Variants in EEFSEC observed in about 807,000 individuals in gnomAD.
EEFSEC encodes the protein eukaryotic elongation factor, selenocysteine-tRNA specific.
A neutral mutation model predicts 42.1 loss-of-function variants in EEFSEC; 43 were observed. The ratio of observed to expected loss-of-function variants is 1.02; its 90% CI spans 0.80 to 1.32. The LOEUF is 1.32. Among genes scored for constraint, EEFSEC ranks in the 40% most tolerant of loss-of-function variants. The probability of loss-of-function intolerance (pLI) is 0.00; values close to 1 mark genes in which losing one functional copy is unlikely to be tolerated. For synonymous variants in EEFSEC, 354 were observed against 339.1 expected (o/e 1.04, Z -0.48); for missense variants, 745 against 803.6 (o/e 0.93, Z 0.88).
At chr3:128,232,240 T>C (rs1243103644) in intron 1 of EEFSEC, among the ~76,000 whole-genome samples, 1 of 152,070 alleles carries the variant, frequency 6.6e-6, no homozygotes, top group Admixed American at 6.5e-5. Flanking sequence ...CTGCATGAAA[T>C]AGACAATATT....
intron 2 of EEFSEC, among the ~76,000 whole-genome samples, chr3:128,252,634 T>C (rs1429039101): frequency 2.7e-5 from 4 of 150,772 alleles, no homozygotes; most frequent in Admixed American, 2.0e-4. Context: ...GAATCTACTA[T>C]CCCAAAGGTA....
intron 4 of EEFSEC, among the ~76,000 whole-genome samples, chr3:128,280,151 T>G (rs577791711): frequency 6.6e-6 from 1 of 152,332 alleles, no homozygotes; most frequent in Non-Finnish European, 1.5e-5. Context: ...GTAGGAAAAC[T>G]GTCTGCATAT....
At chr3:128,361,104 G>A (rs367878118) in intron 6 of EEFSEC, among the ~76,000 whole-genome samples, 3 of 152,310 alleles carry the variant, frequency 2.0e-5, no homozygotes, top group South Asian at 2.1e-4. Context: ...CCTGCAGCTC[G>A]TGGACAGGGC....
chr3:128,356,965 G>C (rs1264856356), intron 5 of EEFSEC, among the ~76,000 whole-genome samples: 1 of 152,232 alleles, frequency 6.6e-6, no homozygotes, highest in Non-Finnish European at 1.5e-5. Context: ...AGTGACCTTG[G>C]GTGGAGCTCC....
intron 1 of EEFSEC, among the ~76,000 whole-genome samples, chr3:128,167,261 G>A (rs868111242): frequency 3.9e-5 from 6 of 152,290 alleles, no homozygotes; most frequent in Middle Eastern, 3.4e-3. Context: ...TCTGTTTACT[G>A]GATTATGTTT....
chr3:128,320,236 G>A (rs1432035491), intron 4 of EEFSEC, among the ~76,000 whole-genome samples: 3 of 152,200 alleles, frequency 2.0e-5, no homozygotes, highest in East Asian at 1.9e-4. Context: ...GGGGCAGAGC[G>A]CCACTCCTCT....
chr3:128,412,254 A>T (rs1389677310), downstream of EEFSEC, among the ~76,000 whole-genome samples: 1 of 152,122 alleles, frequency 6.6e-6, no homozygotes, highest in East Asian at 1.9e-4. Flanking sequence ...TTCTACAGGA[A>T]GCATACCAGG....
At chr3:128,254,697 A>G (rs994894561) in intron 2 of EEFSEC, among the ~76,000 whole-genome samples, 3 of 152,018 alleles carry the variant, frequency 2.0e-5, no homozygotes, top group Non-Finnish European at 2.9e-5. Flanking sequence ...CAGTGTGGGG[A>G]GACTGGAGCA....
At chr3:128,232,106 C>T (rs1332647005) in intron 1 of EEFSEC, among the ~76,000 whole-genome samples, 2 of 152,116 alleles carry the variant, frequency 1.3e-5, no homozygotes, top group Non-Finnish European at 1.5e-5. Context: ...TCCTGTATAA[C>T]TCGTATCATC....
intron 1 of EEFSEC, among the ~76,000 whole-genome samples, chr3:128,232,414 G>A (rs926186288): frequency 2.0e-5 from 3 of 152,068 alleles, no homozygotes; most frequent in Non-Finnish European, 4.4e-5. Flanking sequence ...CCGCACACCC[G>A]GTTTATTAAT....
At chr3:128,196,108 T>G (rs1440930452) in intron 1 of EEFSEC, among the ~76,000 whole-genome samples, 1 of 152,254 alleles carries the variant, frequency 6.6e-6, no homozygotes, top group African/African-American at 2.4e-5. Flanking sequence ...GCTGTTTGAT[T>G]GTGTGAGAGT....
chr3:128,270,509 T>C (rs1395527061), intron 4 of EEFSEC, among the ~76,000 whole-genome samples: 2 of 152,230 alleles, frequency 1.3e-5, no homozygotes, highest in Non-Finnish European at 2.9e-5. Context: ...CAAGTCTATA[T>C]TCAGATTGAT....
chr3:128,327,291 T>TCCC (rs59892046), intron 4 of EEFSEC, among the ~76,000 whole-genome samples: 7 of 105,196 alleles, frequency 6.7e-5, no homozygotes, highest in Admixed American at 3.2e-4. Flanking sequence ...ACTTTTCCCA[T>TCCC]CCCCCCCCCC....
chr3:128,352,789 C>T (rs1296218775), intron 5 of EEFSEC, among the ~76,000 whole-genome samples: 1 of 152,222 alleles, frequency 6.6e-6, no homozygotes, highest in African/African-American at 2.4e-5. Context: ...CCATTTAAAC[C>T]TCCAGCAACT....
chr3:128,419,879 G>A, the EEFSEC span, among the ~76,000 whole-genome samples: 1 of 152,218 alleles, frequency 6.6e-6, no homozygotes, highest in Non-Finnish European at 1.5e-5. Context: ...GCAGGAGGAG[G>A]CCTGGGGTTC....
intron 4 of EEFSEC, among the ~76,000 whole-genome samples, chr3:128,287,776 A>C (rs2066601662): frequency 6.6e-6 from 1 of 152,184 alleles, no homozygotes; most frequent in Non-Finnish European, 1.5e-5. Flanking sequence ...ATGGATTCTC[A>C]AGATAGGGGA....
intron 6 of EEFSEC, among the ~76,000 whole-genome samples, chr3:128,403,394 G>A (rs1370406360): frequency 6.6e-6 from 1 of 152,168 alleles, no homozygotes; most frequent in Non-Finnish European, 1.5e-5. Flanking sequence ...AGGAAGATGG[G>A]GGCAGGACTG....
At chr3:128,210,925 T>C (rs2065749248) in intron 1 of EEFSEC, among the ~76,000 whole-genome samples, 1 of 152,208 alleles carries the variant, frequency 6.6e-6, no homozygotes, top group Non-Finnish European at 1.5e-5. Context: ...GAAATGAAAA[T>C]GTCCTGCCAA....
At chr3:128,308,227 C>T (rs1256633109) in intron 4 of EEFSEC, among the ~76,000 whole-genome samples, 1 of 152,232 alleles carries the variant, frequency 6.6e-6, no homozygotes, top group African/African-American at 2.4e-5. Flanking sequence ...ATATGATGCC[C>T]AGTGGCCCAG....
Sources: gnomAD v4.1 joint callset for allele counts (sites outside exome capture counted in the v4.1 genomes callset) on GRCh38, gnomAD v4.1.1 for gene constraint, MANE v1.5 for transcripts, NCBI Gene and HGNC (gene_info 2026-07-23, HGNC 2026-07-21) for gene names.